Variants in LRRTM4 observed in about 807,000 individuals in gnomAD.
The protein encoded by LRRTM4 is leucine-rich repeat transmembrane neuronal protein 4.
In LRRTM4, 25 loss-of-function variants were observed where a neutral mutation model predicts 47.6. The observed-to-expected ratio is 0.53, with a 90% confidence interval of 0.38 to 0.73. LRRTM4 has a LOEUF of 0.73. Among genes scored for constraint, LRRTM4 ranks in the 30% least tolerant of loss-of-function variants. The pLI is 0.00. For missense variants in LRRTM4, 638 were observed against 713.4 expected (o/e 0.89, Z 1.20); for synonymous variants, 311 against 269.5 (o/e 1.15, Z -1.51).
chr2:77,171,480 T>C (rs1390158223), intron 3 of LRRTM4, among the ~76,000 whole-genome samples: 1 of 152,050 alleles, frequency 6.6e-6, no homozygotes, highest in Non-Finnish European at 1.5e-5. Context: ...TTTCACCATG[T>C]TGGCCTGGCT....
intron 3 of LRRTM4, among the ~76,000 whole-genome samples, chr2:76,818,703 A>G (rs901649509): frequency 4.6e-5 from 7 of 151,752 alleles, no homozygotes; most frequent in African/African-American, 1.7e-4. Flanking sequence ...AAGTTCACTC[A>G]TATATCACCC....
Position 77,161,397 on chromosome 2 carries a change from C to T in LRRTM4, c.1551+356921G>A, listed in dbSNP as rs1485673878. Among the ~76,000 whole-genome samples, 3 of 152,144 alleles carry T rather than the reference C, an allele frequency of 2.0e-5. No individual in the cohort carries two copies. The South Asian group carries it at 6.2e-4, about 31-fold the overall frequency. ...GTCAAATCATTCTTTTAAAACCCAG[C>T]TTCTGATGCCTCAGCGAGGTGGCTT... On this transcript the variant is annotated intron_variant, in intron 3 of 3. Transcript: ENST00000409884.
At chr2:77,231,518 T>C (rs1674964574) in intron 3 of LRRTM4, among the ~76,000 whole-genome samples, 1 of 152,064 alleles carries the variant, frequency 6.6e-6, no homozygotes, top group African/African-American at 2.4e-5. Flanking sequence ...AATTTATATT[T>C]TATATTTTAA....
At chr2:77,037,314 A>T (rs138230462) in intron 3 of LRRTM4, among the ~76,000 whole-genome samples, 3 of 151,882 alleles carry the variant, frequency 2.0e-5, no homozygotes, top group African/African-American at 4.8e-5. Flanking sequence ...CAAAGTTCAC[A>T]CTAGTGATCA....
chr2:77,051,376 T>C (rs1483133964), intron 3 of LRRTM4, among the ~76,000 whole-genome samples: 1 of 151,778 alleles, frequency 6.6e-6, no homozygotes, highest in Non-Finnish European at 1.5e-5. Context: ...CAAGTGAGAG[T>C]GAAAGAACTG....
chr2:77,480,814 GTGTGTGTGGAGAGAGAGAGAGAGAGAGA>G (rs1677653628), intron 3 of LRRTM4, among the ~76,000 whole-genome samples: 1 of 130,930 alleles, frequency 7.6e-6, no homozygotes, highest in Admixed American at 8.6e-5. Context: ...GTGTGTGTGT[GTGTGTGTGGAGAGAGAGAGAGAGAGAGA>G]GAGAGAGAGA....
chr2:77,406,933 TG>T (rs1243939420), intron 3 of LRRTM4, among the ~76,000 whole-genome samples: 1 of 152,194 alleles, frequency 6.6e-6, no homozygotes, highest in African/African-American at 2.4e-5. Context: ...TACTGCCCAG[TG>T]CCCAGGGAGA....
At chr2:77,086,876 G>A (rs1275300275) in intron 3 of LRRTM4, among the ~76,000 whole-genome samples, 1 of 151,344 alleles carries the variant, frequency 6.6e-6, no homozygotes, top group Admixed American at 6.6e-5. Flanking sequence ...TTCAACGTCA[G>A]AAAACAGACT....
At chr2:76,856,297 A>AT (rs147442912) in intron 3 of LRRTM4, among the ~76,000 whole-genome samples, 366 of 152,152 alleles carry the variant, frequency 2.4e-3, no homozygotes, top group African/African-American at 8.4e-3. Context: ...AGAGAGAGAG[A>AT]TAAAAAAAAG....
chr2:76,968,381 TATAC>T lies in LRRTM4; in HGVS notation c.1552-219469_1552-219466del, dbSNP rs1251184794. 5.0e-4 allele frequency among the ~76,000 whole-genome samples: 58 copies of T among 116,216 alleles called. 1 individual carries two copies. Among genetic ancestry groups the T allele is most frequent in the African/African-American group, 1.8e-3 (54 of 30,678 alleles). The allele number at this position is 116,216 out of a possible 152,430, so 76.2% of individuals were successfully genotyped here. A position where few individuals can be genotyped will look rare whatever the true frequency, so the allele number is the denominator to read the frequency against. ...ATATATATATATATATATATATATA[TATAC>T]ACATACATACATACATATATATGTA... On this transcript the variant is annotated intron_variant, in intron 3 of 3. Transcript: ENST00000409884.
intron 3 of LRRTM4, among the ~76,000 whole-genome samples, chr2:77,063,600 T>C (rs1434406485): frequency 6.6e-6 from 1 of 152,186 alleles, no homozygotes; most frequent in African/African-American, 2.4e-5. Flanking sequence ...CTTTAAAATA[T>C]GTTATTGCAC....
At chr2:76,965,583 C>T (rs1335488046) in intron 3 of LRRTM4, among the ~76,000 whole-genome samples, 1 of 151,004 alleles carries the variant, frequency 6.6e-6, no homozygotes, top group African/African-American at 2.4e-5. Context: ...ATATTTAACT[C>T]TTATAATTAT....
chr2:77,321,135 G>A (rs1677776429), intron 3 of LRRTM4, among the ~76,000 whole-genome samples: 1 of 151,994 alleles, frequency 6.6e-6, no homozygotes, highest in Admixed American at 6.6e-5. Flanking sequence ...AGCACCATCT[G>A]GTGGTTACTA....
At chr2:77,214,851 A>C (rs1327900298) in intron 3 of LRRTM4, among the ~76,000 whole-genome samples, 1 of 152,164 alleles carries the variant, frequency 6.6e-6, no homozygotes, top group Non-Finnish European at 1.5e-5. Flanking sequence ...GGTATCCTAA[A>C]AAGGCAGTTC....
rs34031809 is a variant in LRRTM4 at position 76,899,311 on chromosome 2, C to CCACACACACACACA, written c.1552-150409_1552-150396dup. ...TTGGAGGGAGAGAAAGACTAATAAA[C>CCACACACACACACA]CACACACACACACACACACACACAC... On this transcript the variant is annotated intron_variant, in intron 3 of 3. Coordinates refer to ENST00000409884, the MANE Select transcript of LRRTM4 (RefSeq NM_001134745.3). Among the ~76,000 whole-genome samples, 7 of 136,460 alleles carry CCACACACACACACA rather than the reference C, an allele frequency of 5.1e-5. 1 individual carries two copies. The highest frequency in any genetic ancestry group is 4.4e-4 in the East Asian group (2 of 4,516). The allele number at this position is 136,460 out of a possible 152,430, so 89.5% of individuals were successfully genotyped here. A position where few individuals can be genotyped will look rare whatever the true frequency, so the allele number is the denominator to read the frequency against.
intron 3 of LRRTM4, among the ~76,000 whole-genome samples, chr2:77,498,490 ACT>A (rs1678447652): frequency 1.3e-5 from 2 of 151,630 alleles, no homozygotes; most frequent in African/African-American, 2.4e-5. Flanking sequence ...GAGTTCAGAC[ACT>A]CTCTTATTAA....
chr2:76,838,263 G>A (rs563281822), intron 3 of LRRTM4, among the ~76,000 whole-genome samples: 107 of 151,954 alleles, frequency 7.0e-4, no homozygotes, highest in Non-Finnish European at 1.2e-3. Flanking sequence ...AATAATTTTG[G>A]TTGACTTATA....
At chr2:76,965,090 T>C (rs1573377032) in intron 3 of LRRTM4, among the ~76,000 whole-genome samples, 1 of 151,206 alleles carries the variant, frequency 6.6e-6, no homozygotes, top group East Asian at 1.9e-4. Flanking sequence ...GTCCAGATAG[T>C]TTCATTGGTG....
At chr2:77,111,418 C>T (rs1001424177) in intron 3 of LRRTM4, among the ~76,000 whole-genome samples, 19 of 151,962 alleles carry the variant, frequency 1.3e-4, no homozygotes, top group Admixed American at 7.9e-4. Context: ...TGAGCCACCG[C>T]GCCTGGCCAA....
Sources: allele counts gnomAD v4.1 joint callset (sites outside exome capture counted in the v4.1 genomes callset), GRCh38; gene constraint gnomAD v4.1.1; transcripts MANE v1.5; gene names NCBI Gene and HGNC (gene_info 2026-07-23, HGNC 2026-07-21).